SMIM23: variants seen among roughly 807,000 people sequenced by gnomAD.
The protein encoded by SMIM23 is CTB-78H18.1.
A neutral mutation model predicts 12.8 loss-of-function variants in SMIM23; 10 were observed. The observed-to-expected ratio is 0.78, with a 90% CI of 0.48 to 1.32. The LOEUF (loss-of-function observed/expected upper bound fraction) is 1.32, where lower values mean the gene tolerates loss of function less well. SMIM23 is among the 40% of genes most tolerant of loss of function. The probability of loss-of-function intolerance (pLI) is 0.00; values close to 1 mark genes in which losing one functional copy is unlikely to be tolerated. For missense variants in SMIM23, 184 were observed against 198.2 expected (o/e 0.93, Z 0.43); for synonymous variants, 78 against 80.1 (o/e 0.97, Z 0.14).
upstream of SMIM23, chr5:171,782,554 A>T (rs1755747183): frequency 1.3e-5 from 2 of 152,234 alleles, no homozygotes; most frequent in African/African-American, 4.8e-5. Flanking sequence ...TACTTCGTTC[A>T]TGACACCCAC....
At position 171,790,907 on chromosome 5, in the gene SMIM23, A is replaced by G. The variant is rs766512481; in HGVS notation, c.338A>G (p.Gln113Arg). The change falls in exon 4 of 4, where the codon CAG (glutamine) becomes CGG (arginine). Residue 113 changes from glutamine to arginine, a missense_variant. Transcript: ENST00000523047. ...FSEKLEEEVQ[Q>R]LEQLAWDLEL... ...GAGAAGTTAGAGGAAGAGGTGCAGC[A>G]GCTGGAGCAGCTAGCGTGGGACCTG... is the stretch of plus-strand genomic sequence containing the variant. 12 of 1,536,048 alleles carry G rather than the reference A, an allele frequency of 7.8e-6. No individual in the cohort carries two copies. Among genetic ancestry groups the G allele is most frequent in the Non-Finnish European group, 1.0e-5 (12 of 1,146,924 alleles).
At chr5:171,774,075 A>G in the SMIM23 span, 2 of 356,488 alleles carry the variant, frequency 5.6e-6, no homozygotes, top group Non-Finnish European at 1.1e-5. Flanking sequence ...ACAAAGAGAA[A>G]AAAAATGGCA....
the SMIM23 span, among the ~76,000 whole-genome samples, chr5:171,775,220 G>C: frequency 6.6e-6 from 1 of 152,156 alleles, no homozygotes; most frequent in Non-Finnish European, 1.5e-5. Flanking sequence ...TGGGCCCTTG[G>C]CCACCTTCTT....
upstream of SMIM23, among the ~76,000 whole-genome samples, chr5:171,779,870 A>C (rs959151443): frequency 6.6e-6 from 1 of 151,352 alleles, no homozygotes; most frequent in Non-Finnish European, 1.5e-5. Flanking sequence ...AGAGAGGGAG[A>C]AGGGGGGAAG....
upstream of SMIM23, among the ~76,000 whole-genome samples, chr5:171,784,398 G>A (rs920584563): frequency 2.6e-5 from 4 of 152,028 alleles, no homozygotes; most frequent in Admixed American, 6.5e-5. Flanking sequence ...CCAGATACTC[G>A]GGAGGCAGAG....
chr5:171,788,849 A>T (rs987273200), intron 1 of SMIM23, among the ~76,000 whole-genome samples: 9 of 152,152 alleles, frequency 5.9e-5, no homozygotes, highest in East Asian at 3.9e-4. Flanking sequence ...AGAAAAAAAA[A>T]TTTTTTTTGA....
At chr5:171,773,175 C>G in the SMIM23 span, among the ~76,000 whole-genome samples, 1 of 152,194 alleles carries the variant, frequency 6.6e-6, no homozygotes, top group Non-Finnish European at 1.5e-5. Context: ...TGACCTTAGG[C>G]GGGTCTCTTC....
upstream of SMIM23, among the ~76,000 whole-genome samples, chr5:171,778,880 C>T (rs1755683096): frequency 6.6e-6 from 1 of 152,190 alleles, no homozygotes; most frequent in South Asian, 2.1e-4. Flanking sequence ...TGGTATGCCC[C>T]TGCCCATGGT....
At chr5:171,786,583 G>A (rs940733497) in intron 1 of SMIM23, among the ~76,000 whole-genome samples, 1 of 152,322 alleles carries the variant, frequency 6.6e-6, no homozygotes, top group Admixed American at 6.5e-5. Flanking sequence ...CTGAGCAAGG[G>A]TTTATTCTGA....
chr5:171,776,053 T>A, the SMIM23 span, among the ~76,000 whole-genome samples: 1 of 152,332 alleles, frequency 6.6e-6, no homozygotes, highest in African/African-American at 2.4e-5. Flanking sequence ...GTATTTTTAG[T>A]AGATACGGGG....
chr5:171,779,025 A>T (rs1387941133), upstream of SMIM23, among the ~76,000 whole-genome samples: 1 of 152,226 alleles, frequency 6.6e-6, no homozygotes, highest in Non-Finnish European at 1.5e-5. Flanking sequence ...AGCAGGTAGC[A>T]AGCTCCACAG....
At chr5:171,786,878 C>T (rs1755827315) in intron 1 of SMIM23, among the ~76,000 whole-genome samples, 1 of 152,128 alleles carries the variant, frequency 6.6e-6, no homozygotes, top group Non-Finnish European at 1.5e-5. Flanking sequence ...CCCGCATCCC[C>T]TCCTGAAGAC....
upstream of SMIM23, among the ~76,000 whole-genome samples, chr5:171,783,983 G>A (rs1473501184): frequency 2.0e-5 from 3 of 152,084 alleles, no homozygotes; most frequent in Non-Finnish European, 2.9e-5. Flanking sequence ...GGCTCACACC[G>A]GTAATCGCAG....
upstream of SMIM23, among the ~76,000 whole-genome samples, chr5:171,780,722 A>G (rs940513687): frequency 3.3e-5 from 5 of 152,190 alleles, no homozygotes; most frequent in African/African-American, 9.7e-5. Flanking sequence ...AAGACCATCA[A>G]GATGATGCAA....
At chr5:171,781,133 C>T (rs1008875225), upstream of SMIM23, among the ~76,000 whole-genome samples, 4 of 152,140 alleles carry the variant, frequency 2.6e-5, no homozygotes, top group African/African-American at 7.2e-5. Flanking sequence ...TAAGAAGAAA[C>T]TAATTAGTCA....
chr5:171,774,506 C>T, the SMIM23 span: 7 of 456,118 alleles, frequency 1.5e-5, no homozygotes, highest in Non-Finnish European at 3.1e-5. Flanking sequence ...CCGAGGGGAT[C>T]CTGGATTTCA....
At chr5:171,780,160 A>G (rs138457040), upstream of SMIM23, among the ~76,000 whole-genome samples, 79 of 152,002 alleles carry the variant, frequency 5.2e-4, no homozygotes, top group African/African-American at 1.8e-3. Flanking sequence ...GCAGAGTGTA[A>G]TTTTTCAAGA....
the SMIM23 span, among the ~76,000 whole-genome samples, chr5:171,773,108 T>C: frequency 1.3e-5 from 2 of 152,172 alleles, no homozygotes; most frequent in South Asian, 2.1e-4. Context: ...AAGAGTCAGA[T>C]GTGGGAGTCA....
chr5:171,782,198 G>C (rs964076882), upstream of SMIM23, among the ~76,000 whole-genome samples: 3 of 152,220 alleles, frequency 2.0e-5, no homozygotes, highest in African/African-American at 7.2e-5. Context: ...AGACGGTGAA[G>C]CCACTAAAGG....
Sources: allele counts gnomAD v4.1 joint callset (sites outside exome capture counted in the v4.1 genomes callset), GRCh38; gene constraint gnomAD v4.1.1; transcripts MANE v1.5; gene names NCBI Gene and HGNC (gene_info 2026-07-23, HGNC 2026-07-21).